Variants in CWF19L2 observed in about 807,000 individuals in gnomAD.
CWF19L2 encodes the protein CWF19-like protein 2.
A neutral mutation model predicts 111.7 loss-of-function variants in CWF19L2; 98 were observed. The observed-to-expected ratio is 0.88, with a 90% CI of 0.75 to 1.04. CWF19L2 has a LOEUF of 1.04. Ranked by LOEUF, CWF19L2 falls within the 50% of genes least tolerant of loss-of-function variation. The pLI is 0.00. For synonymous variants in CWF19L2, 351 were observed against 342.9 expected (o/e 1.02, Z -0.26); for missense variants, 1,101 against 1,051.4 (o/e 1.05, Z -0.65).
chr11:107,425,435 C>T (rs1861362158), intron 8 of CWF19L2, among the ~76,000 whole-genome samples: 1 of 151,866 alleles, frequency 6.6e-6, no homozygotes, highest in African/African-American at 2.4e-5. Context: ...CAATTGCCAA[C>T]AATGCTCAAT....
At chr11:107,379,342 T>C (rs1860646397) in intron 12 of CWF19L2, among the ~76,000 whole-genome samples, 1 of 152,230 alleles carries the variant, frequency 6.6e-6, no homozygotes, top group Non-Finnish European at 1.5e-5. Flanking sequence ...TGAGAGGGGT[T>C]GCTATTGGTA....
Position 107,428,940 on chromosome 11 carries a change from G to T in CWF19L2, c.1292C>A (p.Ser431Ter), listed in dbSNP as rs1565280387. ...ACTGGTTTCCGATGGCTTTTGATTT[G>T]AATGTTTCTTGTCTCCTCTCCCATC... ...RSDGRGDKKH[S>*]NQKPSETSTD... is the part of the protein sequence containing the mutation. The change falls in exon 8 of 18, where the codon TCA becomes TAA. Residue 431 changes from serine to a stop codon, truncating the protein, a stop_gained. Coordinates refer to ENST00000282251, the MANE Select transcript of CWF19L2 (RefSeq NM_152434.3). LOFTEE classifies it high-confidence loss of function. 18 of 1,613,512 alleles carry T rather than the reference G, an allele frequency of 1.1e-5. No homozygotes were observed. The highest frequency in any genetic ancestry group is 1.4e-5 in the Non-Finnish European group (17 of 1,179,722).
At chr11:107,406,196 T>C (rs12284352) in intron 10 of CWF19L2, among the ~76,000 whole-genome samples, 29,888 of 152,216 alleles carry the variant, frequency 0.2, 3,031 homozygotes, top group South Asian at 0.25. Flanking sequence ...TTTTCTAGCA[T>C]TGGGAAATAA....
At chr11:107,358,531 T>C (rs972984811) in intron 12 of CWF19L2, among the ~76,000 whole-genome samples, 2 of 152,132 alleles carry the variant, frequency 1.3e-5, no homozygotes, top group Non-Finnish European at 2.9e-5. Flanking sequence ...AAGAATGAAG[T>C]ACTGATACTT....
chr11:107,394,516 AT>A (rs1185511489), intron 10 of CWF19L2, among the ~76,000 whole-genome samples: 1 of 152,110 alleles, frequency 6.6e-6, no homozygotes, highest in Non-Finnish European at 1.5e-5. Flanking sequence ...CTAGCCTGAA[AT>A]TCTTCTTATT....
chr11:107,438,437 A>C (rs1203833917), intron 6 of CWF19L2, among the ~76,000 whole-genome samples: 1 of 152,188 alleles, frequency 6.6e-6, no homozygotes, highest in Admixed American at 6.5e-5. Context: ...TATACAAACC[A>C]CATCTTTAGT....
At chr11:107,448,568 G>GT (rs1861734503) in intron 3 of CWF19L2, among the ~76,000 whole-genome samples, 1 of 152,026 alleles carries the variant, frequency 6.6e-6, no homozygotes, top group South Asian at 2.1e-4. Context: ...GATGGAAACT[G>GT]TAAACTCACA....
At chr11:107,334,644 C>T (rs1264411886) in intron 16 of CWF19L2, among the ~76,000 whole-genome samples, 2 of 152,192 alleles carry the variant, frequency 1.3e-5, no homozygotes, top group African/African-American at 4.8e-5. Context: ...ATTATAGGGA[C>T]TACAGTGGCA....
chr11:107,415,249 A>G (rs1284437688), intron 10 of CWF19L2, among the ~76,000 whole-genome samples: 1 of 152,062 alleles, frequency 6.6e-6, no homozygotes, highest in African/African-American at 2.4e-5. Context: ...CTCTTCACTC[A>G]AATACACAGA....
At chr11:107,358,176 CA>C (rs1213348632) in intron 12 of CWF19L2, among the ~76,000 whole-genome samples, 3 of 152,104 alleles carry the variant, frequency 2.0e-5, no homozygotes, top group Non-Finnish European at 4.4e-5. Context: ...CTTTGGAAAA[CA>C]GTCTGGTAGT....
intron 12 of CWF19L2, among the ~76,000 whole-genome samples, chr11:107,385,825 C>T (rs772756120): frequency 6.6e-5 from 10 of 152,176 alleles, no homozygotes; most frequent in Non-Finnish European, 1.5e-4. Flanking sequence ...ACCTGTCTGT[C>T]TATTTAGTTA....
At chr11:107,380,258 CAAT>C (rs964281713) in intron 12 of CWF19L2, among the ~76,000 whole-genome samples, 69 of 152,124 alleles carry the variant, frequency 4.5e-4, no homozygotes, top group African/African-American at 1.5e-3. Flanking sequence ...AATTTTATGA[CAAT>C]GTTTATTAAA....
chr11:107,400,546 C>T (rs766907274), intron 10 of CWF19L2, among the ~76,000 whole-genome samples: 8 of 152,062 alleles, frequency 5.3e-5, no homozygotes, highest in Non-Finnish European at 1.0e-4. Context: ...AGACCAATAA[C>T]AAGCAGTGAG....
At chr11:107,417,391 A>C (rs551253669) in intron 9 of CWF19L2, among the ~76,000 whole-genome samples, 1 of 152,348 alleles carries the variant, frequency 6.6e-6, no homozygotes, top group East Asian at 1.9e-4. Flanking sequence ...AATTAGTCTT[A>C]AATCAAACAT....
At chr11:107,328,585 T>G (rs892172092) in intron 17 of CWF19L2, among the ~76,000 whole-genome samples, 2 of 152,138 alleles carry the variant, frequency 1.3e-5, no homozygotes, top group African/African-American at 4.8e-5. Flanking sequence ...CAGAGAAAAT[T>G]TACTTTTAAC....
intron 4 of CWF19L2, among the ~76,000 whole-genome samples, 188 bp downstream of exon 4, chr11:107,442,731 AAAGAAAGGAAGGAAGGAAGG>A (rs1565287101): frequency 9.4e-5 from 10 of 106,196 alleles, no homozygotes; most frequent in African/African-American, 2.9e-4. Flanking sequence ...AAAGAGAAAG[AAAGAAAGGAAGGAAGGAAGG>A]AAGGAAGGAA....
intron 10 of CWF19L2, among the ~76,000 whole-genome samples, chr11:107,413,603 A>G (rs1861187700): frequency 2.6e-5 from 4 of 152,216 alleles, no homozygotes; most frequent in Non-Finnish European, 4.4e-5. Flanking sequence ...TAATTTGGCA[A>G]AAGTGTGTAA....
At chr11:107,343,005 T>C (rs1177824554) in intron 14 of CWF19L2, among the ~76,000 whole-genome samples, 1 of 152,120 alleles carries the variant, frequency 6.6e-6, no homozygotes, top group Non-Finnish European at 1.5e-5. Flanking sequence ...ACCAGTCCAG[T>C]AGATACCTTG....
chr11:107,410,257 C>T (rs1409792024), intron 10 of CWF19L2, among the ~76,000 whole-genome samples: 1 of 151,740 alleles, frequency 6.6e-6, no homozygotes, highest in South Asian at 2.1e-4. Context: ...TAGTAGTAAA[C>T]AACTTTGTAT....
Sources: gnomAD v4.1 joint callset for allele counts (sites outside exome capture counted in the v4.1 genomes callset) on GRCh38, gnomAD v4.1.1 for gene constraint, MANE v1.5 for transcripts, NCBI Gene and HGNC (gene_info 2026-07-23, HGNC 2026-07-21) for gene names.